ADTRP: variants seen among roughly 807,000 people sequenced by gnomAD.
ADTRP encodes the protein androgen-dependent TFPI-regulating protein.
A neutral mutation model predicts 27.0 loss-of-function variants in ADTRP; 20 were observed. The ratio of observed to expected loss-of-function variants is 0.74; its 90% CI spans 0.52 to 1.08. ADTRP has a LOEUF of 1.08. ADTRP is among the 50% of genes least tolerant of loss of function. ADTRP has a pLI of 0.00. For synonymous variants in ADTRP, 101 were observed against 105.2 expected (o/e 0.96, Z 0.25); for missense variants, 251 against 275.0 (o/e 0.91, Z 0.62).
At chr6:11,734,628 C>T (rs749704544) in intron 4 of ADTRP, among the ~76,000 whole-genome samples, 12 of 152,034 alleles carry the variant, frequency 7.9e-5, no homozygotes, top group Admixed American at 7.2e-4. Flanking sequence ...GTCTGGGCAC[C>T]AAGTTTATTT....
intron 1 of ADTRP, among the ~76,000 whole-genome samples, chr6:11,775,103 G>A (rs944690691): frequency 3.3e-5 from 5 of 152,146 alleles, no homozygotes; most frequent in Non-Finnish European, 1.5e-5. Context: ...GGGAAGATGG[G>A]GCATGCAGCT....
intron 1 of ADTRP, chr6:11,769,938 T>C (rs748377889): frequency 1.5e-6 from 2 of 1,375,426 alleles, no homozygotes; most frequent in Non-Finnish European, 2.0e-6. Context: ...TGCCAGGCAC[T>C]GAACTGTGTT....
intron 5 of ADTRP, among the ~76,000 whole-genome samples, chr6:11,716,201 CT>C (rs1761818810): frequency 6.6e-6 from 1 of 152,272 alleles, no homozygotes. Flanking sequence ...ATTCCTAAAA[CT>C]TTCTTTTATC....
chr6:11,730,275 T>C (rs942248891), intron 4 of ADTRP, among the ~76,000 whole-genome samples: 11 of 152,168 alleles, frequency 7.2e-5, no homozygotes, highest in African/African-American at 2.4e-4. Flanking sequence ...ATTTCTTCTG[T>C]GGAAAATGGT....
intron 1 of ADTRP, 65 bp downstream of exon 1, chr6:11,778,542 T>A: frequency 6.7e-7 from 1 of 1,501,194 alleles, no homozygotes; most frequent in Admixed American, 2.0e-5. Flanking sequence ...CCAAAGATGA[T>A]ATGTGTGGCA....
Position 11,778,479 on chromosome 6 carries a change from C to G in ADTRP, c.153+128G>C, listed in dbSNP as rs1029627149. The stretch of plus-strand genomic sequence containing the variant: ...TTAAGTAAACAAAAAACCCAAAACT[C>G]ACAAAACGGTGAAGAAGGAAGACAA... On this transcript the variant is annotated intron_variant, in intron 1 of 5. Coordinates refer to ENST00000414691, the MANE Select transcript of ADTRP (RefSeq NM_032744.4). 5 of 1,324,272 alleles carry G rather than the reference C, an allele frequency of 3.8e-6. No individual in the cohort carries two copies. The Admixed American group carries it at 1.2e-4, about 33-fold the overall frequency. 82.0% of individuals were successfully genotyped at this position (1,324,272 alleles called of 1,614,324 possible).
chr6:11,714,462 G>C lies in ADTRP; in HGVS notation c.*16C>G, dbSNP rs1761747063. On this transcript the variant is annotated 3_prime_UTR_variant, in exon 6 of 6. Transcript: ENST00000414691. ...TGTGTTTTCTTCTTTCTTGGTTCTT[G>C]GAAAATGGTGTGCAATTACTTCCTC... is the stretch of plus-strand genomic sequence containing the variant. 1 of 1,608,614 alleles carries C rather than the reference G, an allele frequency of 6.2e-7. No individual in the cohort carries two copies.
At position 11,723,464 on chromosome 6, in the gene ADTRP, C is replaced by T. The variant is rs762955167; in HGVS notation, c.543G>A (p.Val181=). The T allele has an allele frequency of 1.2e-6, 2 of 1,614,004 alleles. No individual in the cohort carries two copies. Among genetic ancestry groups the T allele is most frequent in the African/African-American group, 2.7e-5 (2 of 74,900 alleles). The change falls in exon 5 of 6, where the codon GTG becomes GTA. Residue 181 remains valine, a synonymous_variant. Coordinates refer to ENST00000414691, the MANE Select transcript of ADTRP (RefSeq NM_032744.4). ...LWLYFETGTW[V]YPVFAKLSLL... ...GGCTGAGTTTGGCAAACACAGGATACACCCAGGTACCCGTCTCAAAGTAGA... is the reference window on the plus strand; with the variant it reads ...GGCTGAGTTTGGCAAACACAGGATATACCCAGGTACCCGTCTCAAAGTAGA...
At chr6:11,737,369 CAGTT>C (rs1762585852) in intron 3 of ADTRP, among the ~76,000 whole-genome samples, 1 of 152,144 alleles carries the variant, frequency 6.6e-6, no homozygotes, top group Non-Finnish European at 1.5e-5. Flanking sequence ...GTTGGCCCCT[CAGTT>C]AGGGCAGTCT....
chr6:11,770,815 G>T (rs1048060608), intron 1 of ADTRP, among the ~76,000 whole-genome samples: 1 of 152,092 alleles, frequency 6.6e-6, no homozygotes, highest in Non-Finnish European at 1.5e-5. Flanking sequence ...CCTCACCCTG[G>T]TTTCACTTCC....
intron 3 of ADTRP, among the ~76,000 whole-genome samples, chr6:11,746,278 G>A (rs1561758222): frequency 6.6e-6 from 1 of 152,224 alleles, no homozygotes. Context: ...GGGTTAAGTG[G>A]TAATAGATGA....
intron 1 of ADTRP, among the ~76,000 whole-genome samples, chr6:11,772,303 A>G (rs1268465296): frequency 6.6e-6 from 1 of 152,232 alleles, no homozygotes; most frequent in Non-Finnish European, 1.5e-5. Flanking sequence ...ACCTGCGACA[A>G]AGCTGAATTG....
At chr6:11,773,638 A>C (rs958709627) in intron 1 of ADTRP, among the ~76,000 whole-genome samples, 4 of 151,930 alleles carry the variant, frequency 2.6e-5, no homozygotes, top group African/African-American at 9.7e-5. Context: ...AGCAGCCAAC[A>C]CTCCTGAGAG....
intron 5 of ADTRP, among the ~76,000 whole-genome samples, chr6:11,722,925 G>A (rs1446756623): frequency 3.3e-5 from 5 of 152,158 alleles, no homozygotes; most frequent in Non-Finnish European, 7.3e-5. Context: ...AGCTGAGAGG[G>A]CTATCTGGAC....
chr6:11,752,278 AT>A (rs1393257811), intron 3 of ADTRP, among the ~76,000 whole-genome samples: 5 of 151,476 alleles, frequency 3.3e-5, no homozygotes, highest in South Asian at 2.1e-4. Flanking sequence ...CTTATGAAAT[AT>A]TTTTTTTTCA....
At chr6:11,727,989 G>C (rs1020462262) in intron 4 of ADTRP, among the ~76,000 whole-genome samples, 1 of 143,838 alleles carries the variant, frequency 7.0e-6, no homozygotes, top group African/African-American at 2.6e-5. Context: ...TAGGGAGGGA[G>C]GGAGGGAGGG....
chr6:11,744,949 G>T (rs896128646), intron 3 of ADTRP, among the ~76,000 whole-genome samples: 2 of 152,174 alleles, frequency 1.3e-5, no homozygotes, highest in Non-Finnish European at 1.5e-5. Context: ...GTTCTGGAAA[G>T]CACCCTGTAA....
intron 3 of ADTRP, 117 bp from the exon 4 acceptor site, chr6:11,735,800 A>C (rs1762530460): frequency 1.4e-6 from 1 of 708,406 alleles, no homozygotes; most frequent in Non-Finnish European, 2.4e-6. Context: ...GAAGCTTTCC[A>C]GGTCATGCTC....
At chr6:11,737,279 G>A (rs1204259179) in intron 3 of ADTRP, among the ~76,000 whole-genome samples, 1 of 152,068 alleles carries the variant, frequency 6.6e-6, no homozygotes, top group Admixed American at 6.5e-5. Flanking sequence ...AATTTCCTCA[G>A]CTCGTGGCTG....
Sources: gnomAD v4.1 joint callset for allele counts (sites outside exome capture counted in the v4.1 genomes callset) on GRCh38, gnomAD v4.1.1 for gene constraint, MANE v1.5 for transcripts, NCBI Gene and HGNC (gene_info 2026-07-23, HGNC 2026-07-21) for gene names.